TBXAS1: variants seen among roughly 807,000 people sequenced by gnomAD.
The protein encoded by TBXAS1 is thromboxane-A synthase.
In TBXAS1, 48 loss-of-function variants were observed where a neutral mutation model predicts 60.7. That is an observed-to-expected ratio of 0.79 (90% CI 0.63 to 1.01). The LOEUF is 1.01. Among genes scored for constraint, TBXAS1 ranks in the 50% least tolerant of loss-of-function variants. The probability of loss-of-function intolerance (pLI) is 0.00; values close to 1 mark genes in which losing one functional copy is unlikely to be tolerated. For missense variants in TBXAS1, 685 were observed against 686.3 expected (o/e 1.00, Z 0.02); for synonymous variants, 287 against 269.7 (o/e 1.06, Z -0.63).
intron 4 of TBXAS1, among the ~76,000 whole-genome samples, chr7:139,927,158 C>G (rs893940661): frequency 6.9e-6 from 1 of 145,654 alleles, no homozygotes; most frequent in African/African-American, 2.7e-5. Flanking sequence ...CCACGCCCGG[C>G]TATTTTTTTT....
chr7:140,009,983 CCCACACCCGCT>C, intron 10 of TBXAS1, among the ~76,000 whole-genome samples: 1 of 119,202 alleles, frequency 8.4e-6, no homozygotes, highest in African/African-American at 3.5e-5. Context: ...CCACACCTGC[CCCACACCCGCT>C]CCACACCCGC....
At chr7:139,879,410 A>G (rs116607884) in intron 3 of TBXAS1, among the ~76,000 whole-genome samples, 2,323 of 152,200 alleles carry the variant, frequency 0.015, 34 homozygotes, top group African/African-American at 0.033. Context: ...TTGCACAGCA[A>G]CCTGGCCATG....
intron 12 of TBXAS1, among the ~76,000 whole-genome samples, chr7:140,018,235 G>C (rs1356840480): frequency 6.6e-6 from 1 of 152,156 alleles, no homozygotes; most frequent in Non-Finnish European, 1.5e-5. Context: ...TTTGCGGGGT[G>C]GGGGGTGCAT....
At chr7:139,816,095 T>C (rs1484965151) in intron 4 of TBXAS1, among the ~76,000 whole-genome samples, 1 of 152,168 alleles carries the variant, frequency 6.6e-6, no homozygotes, top group Non-Finnish European at 1.5e-5. Context: ...GATGGTTTTA[T>C]AAGGGGCTCT....
At chr7:139,919,091 T>C (rs6965165) in intron 4 of TBXAS1, among the ~76,000 whole-genome samples, 24,986 of 152,092 alleles carry the variant, frequency 0.16, 3,535 homozygotes, top group African/African-American at 0.39. Context: ...TAGCAATAGA[T>C]ATAAATTGAC....
At chr7:139,869,076 G>C (rs777518161) in intron 1 of TBXAS1, among the ~76,000 whole-genome samples, 1 of 152,110 alleles carries the variant, frequency 6.6e-6, no homozygotes, top group East Asian at 1.9e-4. Context: ...TAGGTTTATA[G>C]GCATGAGCCA....
rs142701196 is a variant in TBXAS1, at chr7:139,841,827, C to G, written c.89+12348C>G. On this transcript the variant is annotated intron_variant, in intron 1 of 12. Coordinates refer to ENST00000448866, the MANE Select transcript of TBXAS1 (RefSeq NM_001061.7). ...GAGGCATTTTCCTGATAGGCTAAAC[C>G]CTTACTGCAGATATGCCACTATCAG... Among the ~76,000 whole-genome samples the G allele has an allele frequency of 4.4e-3, 668 of 152,212 alleles. 4 individuals are homozygous for G. The highest frequency in any genetic ancestry group is 0.012 in the African/African-American group (492 of 41,530).
Position 139,984,614 on chromosome 7 carries a change from A to AAGAG in TBXAS1, c.1134+22407_1134+22410dup, listed in dbSNP as rs748137753. On this transcript the variant is annotated intron_variant, in intron 9 of 12. Coordinates refer to ENST00000448866, the MANE Select transcript of TBXAS1 (RefSeq NM_001061.7). ...ATCAAAAATAAAAAAATAAGAAAGA[A>AAGAG]AGAGAGAGAGAGAGAGAGAGAGAGA... Among the ~76,000 whole-genome samples, 255 of 65,612 alleles carry AAGAG rather than the reference A, an allele frequency of 3.9e-3. 12 individuals are homozygous for AAGAG. The highest frequency in any genetic ancestry group is 0.01 in the African/African-American group (197 of 19,334). 43.0% of individuals were successfully genotyped at this position (65,612 alleles called of 152,430 possible).
intron 4 of TBXAS1, among the ~76,000 whole-genome samples, chr7:139,930,888 T>A (rs796713474): frequency 4.6e-5 from 7 of 151,272 alleles, no homozygotes; most frequent in African/African-American, 1.7e-4. Context: ...ATGGAAAGAG[T>A]TGGCCAAAGA....
intron 1 of TBXAS1, among the ~76,000 whole-genome samples, chr7:139,848,147 T>C (rs575515684): frequency 2.3e-3 from 352 of 151,770 alleles, no homozygotes; most frequent in African/African-American, 8.3e-3. Flanking sequence ...TATTTATTTA[T>C]TTATTTATTT....
At chr7:139,993,552 A>G (rs1412227472) in intron 9 of TBXAS1, among the ~76,000 whole-genome samples, 1 of 152,180 alleles carries the variant, frequency 6.6e-6, no homozygotes, top group Non-Finnish European at 1.5e-5. Flanking sequence ...CTTCTCCACA[A>G]GGCCTTGTCT....
At chr7:139,877,197 C>T (rs548932910) in intron 3 of TBXAS1, among the ~76,000 whole-genome samples, 1 of 152,278 alleles carries the variant, frequency 6.6e-6, no homozygotes, top group Admixed American at 6.5e-5. Context: ...CTCGGATGGA[C>T]GAGCGGGGAG....
At chr7:139,903,049 A>G (rs1240574947) in intron 3 of TBXAS1, among the ~76,000 whole-genome samples, 3 of 152,168 alleles carry the variant, frequency 2.0e-5, no homozygotes, top group South Asian at 4.1e-4. Flanking sequence ...TCACCTGAGC[A>G]GTACACACTG....
intron 1 of TBXAS1, among the ~76,000 whole-genome samples, chr7:139,863,667 T>C (rs931214757): frequency 2.6e-5 from 4 of 152,140 alleles, no homozygotes; most frequent in African/African-American, 9.7e-5. Flanking sequence ...ATGCGTTCAT[T>C]GAAAACATGT....
intron 4 of TBXAS1, among the ~76,000 whole-genome samples, chr7:139,794,514 C>CTT (rs528710596): frequency 1.2e-3 from 167 of 144,884 alleles, no homozygotes; most frequent in African/African-American, 3.5e-3. Context: ...TTCTCCCTTT[C>CTT]TTTTTTTTTT....
chr7:139,985,471 C>T (rs1812381545), intron 9 of TBXAS1, among the ~76,000 whole-genome samples: 1 of 152,190 alleles, frequency 6.6e-6, no homozygotes, highest in Admixed American at 6.5e-5. Flanking sequence ...TCATTAATAA[C>T]CCATTATCGG....
At chr7:139,792,107 C>T (rs775295208) in intron 4 of TBXAS1, among the ~76,000 whole-genome samples, 8 of 152,128 alleles carry the variant, frequency 5.3e-5, no homozygotes, top group African/African-American at 1.2e-4. Flanking sequence ...TTATCAGTTT[C>T]GTGCATATCA....
chr7:139,799,567 G>T (rs1797664164), intron 4 of TBXAS1, among the ~76,000 whole-genome samples: 1 of 152,042 alleles, frequency 6.6e-6, no homozygotes, highest in Non-Finnish European at 1.5e-5. Flanking sequence ...TGTTGCTCAG[G>T]CTAGTCTTGA....
intron 5 of TBXAS1, among the ~76,000 whole-genome samples, chr7:139,951,593 TAAAAAAAAAAAAAA>T (rs66551791): frequency 1.4e-3 from 90 of 66,312 alleles, no homozygotes; most frequent in Non-Finnish European, 2.1e-3. Flanking sequence ...CCGTCTCTAC[TAAAAAAAAAAAAAA>T]AAAAAAAAAA....
Sources: allele counts gnomAD v4.1 joint callset (sites outside exome capture counted in the v4.1 genomes callset), GRCh38; gene constraint gnomAD v4.1.1; transcripts MANE v1.5; gene names NCBI Gene and HGNC (gene_info 2026-07-23, HGNC 2026-07-21).